GRIP1: variants seen among roughly 807,000 people sequenced by gnomAD.
GRIP1 encodes glutamate receptor-interacting protein 1.
A neutral mutation model predicts 129.9 loss-of-function variants in GRIP1; 45 were observed. That is an observed-to-expected ratio of 0.35 (90% confidence interval 0.27 to 0.44). GRIP1 has a LOEUF of 0.44. Ranked by LOEUF, GRIP1 falls within the 20% of genes least tolerant of loss-of-function variation. The pLI is 1.00. For synonymous variants in GRIP1, 530 were observed against 520.8 expected, an observed-to-expected ratio of 1.02 and a Z score of -0.24; for missense variants, 1,196 against 1,396.8, an observed-to-expected ratio of 0.86 and a Z score of 2.29.
At chr12:66,827,387 T>TGTGTGTGTGTGTGAGA (rs755458052) in intron 1 of GRIP1, among the ~76,000 whole-genome samples, 7 of 108,226 alleles carry the variant, frequency 6.5e-5, no homozygotes, top group African/African-American at 1.4e-4. Flanking sequence ...TGTGTGTGTG[T>TGTGTGTGTGTGTGAGA]GAGAGAGAGA....
Position 66,630,940 on chromosome 12 carries a change from CT to C in GRIP1, c.56-34014del, listed in dbSNP as rs1156237586. ...GTAATAATAGATGAGAAAAATAAAA[CT>C]TTTTTTTTTTGGAGACAGAATTTCA... is the stretch of plus-strand genomic sequence containing the variant. On this transcript the variant is annotated intron_variant, in intron 1 of 24. Transcript: ENST00000359742. 2.4e-4 allele frequency among the ~76,000 whole-genome samples: 35 copies of C among 146,492 alleles called. 1 individual carries two copies. Among genetic ancestry groups the C allele is most frequent in the South Asian group, 1.1e-3 (5 of 4,596 alleles).
At chr12:66,754,402 G>A (rs367676555) in intron 1 of GRIP1, among the ~76,000 whole-genome samples, 18 of 152,148 alleles carry the variant, frequency 1.2e-4, no homozygotes, top group African/African-American at 2.2e-4. Context: ...ACACCGCAGC[G>A]TTTCTTGGGG....
At chr12:66,546,773 C>A (rs2061959741) in intron 2 of GRIP1, among the ~76,000 whole-genome samples, 1 of 151,712 alleles carries the variant, frequency 6.6e-6, no homozygotes, top group Non-Finnish European at 1.5e-5. Flanking sequence ...AAATGTAAAC[C>A]ATAATATTAT....
At chr12:66,965,815 T>C (rs562906603) in intron 1 of GRIP1, among the ~76,000 whole-genome samples, 2 of 152,300 alleles carry the variant, frequency 1.3e-5, no homozygotes, top group African/African-American at 2.4e-5. Flanking sequence ...TCTTAATGCA[T>C]GAATGAACCA....
At chr12:66,782,613 C>G (rs994302) in intron 1 of GRIP1, among the ~76,000 whole-genome samples, 54,403 of 152,006 alleles carry the variant, frequency 0.36, 10,534 homozygotes, top group Middle Eastern at 0.55. Flanking sequence ...CAATTTCTTT[C>G]ACTTCTGGTT....
chr12:66,938,581 C>G (rs1319055337), intron 1 of GRIP1, among the ~76,000 whole-genome samples: 1 of 152,100 alleles, frequency 6.6e-6, no homozygotes, highest in Non-Finnish European at 1.5e-5. Context: ...AGATTTGATA[C>G]CAGCCCCCAA....
intron 1 of GRIP1, among the ~76,000 whole-genome samples, chr12:67,046,375 C>T (rs1298309804): frequency 6.6e-6 from 1 of 152,138 alleles, no homozygotes; most frequent in Non-Finnish European, 1.5e-5. Context: ...TAATTCACGG[C>T]GATTCCCTTC....
chr12:66,742,098 T>A (rs1565998055), intron 1 of GRIP1, among the ~76,000 whole-genome samples: 1 of 152,196 alleles, frequency 6.6e-6, no homozygotes, highest in Non-Finnish European at 1.5e-5. Context: ...AGTATTACTT[T>A]ATTTTCATAC....
intron 1 of GRIP1, among the ~76,000 whole-genome samples, chr12:66,908,083 T>A (rs1466622251): frequency 6.6e-6 from 1 of 152,212 alleles, no homozygotes. Flanking sequence ...TTAAACTTAT[T>A]TTAATGACTC....
At chr12:66,824,761 A>G (rs189770150) in intron 1 of GRIP1, among the ~76,000 whole-genome samples, 1 of 152,336 alleles carries the variant, frequency 6.6e-6, no homozygotes, top group African/African-American at 2.4e-5. Context: ...AGGCTAGAAA[A>G]ATGAACAAAA....
At chr12:66,530,026 T>A in intron 4 of GRIP1, 112 bp from the exon 5 acceptor site, 1 of 722,522 alleles carries the variant, frequency 1.4e-6, no homozygotes, top group Non-Finnish European at 2.5e-6. Flanking sequence ...AAGTTTTGAG[T>A]AATAAGCAAC....
chr12:66,475,719 T>C (rs1042370932), intron 7 of GRIP1, among the ~76,000 whole-genome samples: 4 of 152,206 alleles, frequency 2.6e-5, no homozygotes, highest in African/African-American at 7.2e-5. Context: ...AACTTGCTCC[T>C]GAATGACTAC....
intron 1 of GRIP1, among the ~76,000 whole-genome samples, chr12:66,954,386 G>A (rs1229440053): frequency 6.6e-6 from 1 of 152,170 alleles, no homozygotes; most frequent in African/African-American, 2.4e-5. Flanking sequence ...CCTTTTGTGT[G>A]TGCAATTTCT....
At chr12:66,600,219 A>G (rs1163104527) in intron 1 of GRIP1, among the ~76,000 whole-genome samples, 1 of 152,260 alleles carries the variant, frequency 6.6e-6, no homozygotes, top group Admixed American at 6.5e-5. Flanking sequence ...ATTCAAAAGC[A>G]ATGTCAATAT....
At position 66,950,105 on chromosome 12, in the gene GRIP1, T is replaced by C. The variant is rs113014002; in HGVS notation, c.58+118945A>G. Among the ~76,000 whole-genome samples the C allele has an allele frequency of 1.7e-3, 254 of 152,292 alleles. 2 individuals carry two copies. In the Middle Eastern group the frequency reaches 0.017, roughly 10 times the overall value. On this transcript the variant is annotated intron_variant, in intron 1 of 1. Coordinates refer to the GRIP1 transcript ENST00000643019. ...CTTCCTTTCAATGTTCCCACTCTCA[T>C]ATTTGTCTTTCTCTATTCAGAACTC...
chr12:66,809,193 C>T lies in GRIP1; in HGVS notation c.59-212266G>A, dbSNP rs2039055044. On this transcript the variant is annotated intron_variant, in intron 1 of 1. Coordinates refer to the GRIP1 transcript ENST00000643019. Reference sequence around the variant, plus strand: ...ATATAGCATTTACATGATTTCCGTACTCTTCTGAACTGGATTCTTCATCCC... The same window carrying T: ...ATATAGCATTTACATGATTTCCGTATTCTTCTGAACTGGATTCTTCATCCC... 3.3e-5 allele frequency among the ~76,000 whole-genome samples: 5 copies of T among 152,180 alleles called. No homozygotes were observed. The South Asian group carries it at 1.0e-3, about 31-fold the overall frequency.
intron 1 of GRIP1, among the ~76,000 whole-genome samples, chr12:67,001,341 G>GA (rs528296393): frequency 5.3e-4 from 81 of 152,156 alleles, no homozygotes; most frequent in Non-Finnish European, 5.4e-4. Flanking sequence ...AGAAAGAGGG[G>GA]AAAAAAGCAT....
intron 1 of GRIP1, among the ~76,000 whole-genome samples, chr12:67,053,890 A>G (rs2043389044): frequency 6.6e-6 from 1 of 152,134 alleles, no homozygotes; most frequent in African/African-American, 2.4e-5. Flanking sequence ...ACATTTTTAA[A>G]AATCATGTGG....
chr12:67,009,948 T>C (rs1294205947), intron 1 of GRIP1, among the ~76,000 whole-genome samples: 1 of 152,124 alleles, frequency 6.6e-6, no homozygotes, highest in Non-Finnish European at 1.5e-5. Context: ...TCAAATAACA[T>C]TTCCACATTA....
Sources: gnomAD v4.1 joint callset for allele counts (sites outside exome capture counted in the v4.1 genomes callset) on GRCh38, gnomAD v4.1.1 for gene constraint, MANE v1.5 for transcripts, NCBI Gene and HGNC (gene_info 2026-07-23, HGNC 2026-07-21) for gene names.